Variants in GAS2L3 observed in about 807,000 individuals in gnomAD.
GAS2L3 encodes GAS2-like protein 3.
In GAS2L3, 28 loss-of-function variants were observed where a neutral mutation model predicts 37.0. The observed-to-expected ratio is 0.76, with a 90% CI of 0.56 to 1.04. The LOEUF is 1.04. Ranked by LOEUF, GAS2L3 falls within the 50% of genes least tolerant of loss-of-function variation. GAS2L3 has a pLI of 0.00. For synonymous variants in GAS2L3, 290 were observed against 296.6 expected (o/e 0.98, Z 0.23); for missense variants, 793 against 817.6 (o/e 0.97, Z 0.37).
chr12:100,610,014 A>T (rs1373334258), intron 5 of GAS2L3, among the ~76,000 whole-genome samples: 1 of 152,156 alleles, frequency 6.6e-6, no homozygotes, highest in Admixed American at 6.5e-5. Context: ...TGCTCATTTG[A>T]TTTTTTATTC....
intron 1 of GAS2L3, among the ~76,000 whole-genome samples, chr12:100,582,340 G>T (rs1411035350): frequency 6.6e-6 from 1 of 152,250 alleles, no homozygotes; most frequent in African/African-American, 2.4e-5. Flanking sequence ...AATGTCATCA[G>T]TTAAGGCAGG....
intron 1 of GAS2L3, among the ~76,000 whole-genome samples, chr12:100,575,364 A>G (rs1237605647): frequency 6.6e-6 from 1 of 152,078 alleles, no homozygotes; most frequent in Non-Finnish European, 1.5e-5. Flanking sequence ...CACATCATAA[A>G]CACGTGGATT....
intron 1 of GAS2L3, chr12:100,578,949 T>A: frequency 1.1e-6 from 1 of 926,826 alleles, no homozygotes; most frequent in Non-Finnish European, 1.8e-6. Flanking sequence ...AAGGTTATAA[T>A]TGTCATCCAT....
chr12:100,591,221 G>A (rs1955842831), intron 1 of GAS2L3, among the ~76,000 whole-genome samples: 1 of 152,064 alleles, frequency 6.6e-6, no homozygotes, highest in South Asian at 2.1e-4. Flanking sequence ...TGCCTATGGC[G>A]TCTAGTTCAG....
chr12:100,605,163 T>A (rs1177620363), intron 5 of GAS2L3, among the ~76,000 whole-genome samples: 1 of 152,082 alleles, frequency 6.6e-6, no homozygotes, highest in Admixed American at 6.6e-5. Flanking sequence ...TGAGTAGGAT[T>A]GCTATTAGTT....
At chr12:100,608,607 T>C (rs1018996191) in intron 5 of GAS2L3, among the ~76,000 whole-genome samples, 3 of 152,214 alleles carry the variant, frequency 2.0e-5, no homozygotes, top group South Asian at 4.1e-4. Flanking sequence ...CTGCAAGCTC[T>C]GCCTCCCGGG....
chr12:100,598,293 G>A (rs949772343), intron 3 of GAS2L3, among the ~76,000 whole-genome samples: 4 of 152,154 alleles, frequency 2.6e-5, no homozygotes, highest in Non-Finnish European at 5.9e-5. Context: ...GGCTGGAACA[G>A]TATCTCAGTC....
In GAS2L3 at chr12:100,618,519, A is replaced by T; in HGVS notation, c.580A>T (p.Thr194Ser). 1.2e-6 allele frequency: 2 copies of T among 1,613,140 alleles called. No individual in the cohort carries two copies. Among genetic ancestry groups the T allele is most frequent in the Non-Finnish European group, 1.7e-6 (2 of 1,179,502 alleles). Reference sequence around the variant, plus strand: ...TGAGTTAGAAGAGACTTTGCTTAATACTTCTGGGCCTGAAGATTCCATCAG... The same window carrying T: ...TGAGTTAGAAGAGACTTTGCTTAATTCTTCTGGGCCTGAAGATTCCATCAG... The part of the protein sequence containing the change: ...EIELEETLLN[T>S]SGPEDSISIP... Residue 194 changes from threonine to serine, a missense_variant, in exon 8 of 10, where the codon ACT (threonine) becomes TCT (serine). Coordinates refer to ENST00000547754, the MANE Select transcript of GAS2L3 (RefSeq NM_174942.3).
intron 6 of GAS2L3, among the ~76,000 whole-genome samples, chr12:100,615,965 G>T (rs891484152): frequency 1.3e-5 from 2 of 151,894 alleles, no homozygotes; most frequent in South Asian, 2.1e-4. Flanking sequence ...AGGCTTTTCT[G>T]TGCCCTTTGG....
Position 100,623,972 on chromosome 12 carries a change from A to C in GAS2L3, c.1167A>C (p.Lys389Asn), listed in dbSNP as rs768374748. The change falls in exon 10 of 10, where the codon AAA becomes AAC. Residue 389 changes from lysine (K) to asparagine (N), a missense_variant. Physicochemically the swap from Lys to Asn is moderately conservative, Grantham distance 94 (BLOSUM62 0). Transcript: ENST00000547754. ...CTCATCCCAAGCTCAAGTCTTCAAA[A>C]GGCATAACGAAGAAACCGCAGGCTC... ...ASSHPKLKSS[K>N]GITKKPQAPS... The C allele has an allele frequency of 3.0e-5, 49 of 1,613,986 alleles. No homozygotes were observed. Among genetic ancestry groups the C allele is most frequent in the Non-Finnish European group, 3.7e-5 (44 of 1,180,014 alleles).
rs191103443 is a variant in GAS2L3 at position 100,576,973 on chromosome 12, C to T, written c.-152+3188C>T. Among the ~76,000 whole-genome samples, 8 of 152,218 alleles carry T rather than the reference C, an allele frequency of 5.3e-5. 1 individual carries two copies. Among genetic ancestry groups the T allele is most frequent in the East Asian group, 3.9e-4 (2 of 5,180 alleles). On this transcript the variant is annotated intron_variant, in intron 1 of 9. Transcript: ENST00000547754. ...TCCGCCTACTGTCATACAACATAAA[C>T]GTTTCTCTAAGAAAGTATAATATTA...
rs1354192505 is a variant in GAS2L3, at chr12:100,624,390, A to G, written c.1585A>G (p.Ile529Val). ...AATGACAAAAACCAGTTCCAAAACCATAGCCACGGGTCTAGGAACACAGTC... is the reference window on the plus strand; with the variant it reads ...AATGACAAAAACCAGTTCCAAAACCGTAGCCACGGGTCTAGGAACACAGTC... The part of the protein sequence containing the change: ...AKMTKTSSKT[I>V]ATGLGTQSQP... The change falls in exon 10 of 10, where the codon ATA becomes GTA. Residue 529 changes from isoleucine (I) to valine (V), a missense_variant. Ile to Val is a conservative substitution (Grantham distance 29). Transcript: ENST00000547754. The G allele has an allele frequency of 3.7e-6, 6 of 1,613,918 alleles. No individual in the cohort carries two copies. The highest frequency in any genetic ancestry group is 1.6e-4 in the Middle Eastern group (1 of 6,084).
intron 8 of GAS2L3, among the ~76,000 whole-genome samples, chr12:100,619,492 G>A (rs1196864504): frequency 6.6e-6 from 1 of 151,994 alleles, no homozygotes; most frequent in Non-Finnish European, 1.5e-5. Flanking sequence ...TAAAAGTATT[G>A]CTTTGATTGT....
rs1201514214 is a variant in GAS2L3, at chr12:100,624,590, T to C, written c.1785T>C (p.Ser595=). ...CCAAAAAGCAGCCTCAGAATAAAAG[T>C]GCATTTCAGAAGACAGGACCCAGCT... ...SATKKQPQNK[S]AFQKTGPSSL... Residue 595 remains serine, a synonymous_variant, in exon 10 of 10, where the codon AGT becomes AGC. Transcript: ENST00000547754. 5 of 1,614,016 alleles carry C rather than the reference T, an allele frequency of 3.1e-6. No individual in the cohort carries two copies. In the Admixed American group the frequency reaches 5.0e-5, roughly 16 times the overall value.
chr12:100,606,521 C>T (rs948691188), intron 5 of GAS2L3, among the ~76,000 whole-genome samples: 7 of 151,858 alleles, frequency 4.6e-5, no homozygotes, highest in Non-Finnish European at 8.8e-5. Context: ...AGGACTTATT[C>T]CTGCCATTTT....
chr12:100,616,854 G>A (rs1402064521), intron 6 of GAS2L3, among the ~76,000 whole-genome samples: 2 of 152,080 alleles, frequency 1.3e-5, no homozygotes, highest in Non-Finnish European at 2.9e-5. Context: ...CCAATACAAT[G>A]CTGAATAGAA....
chr12:100,584,138 G>A (rs896709956), intron 1 of GAS2L3, among the ~76,000 whole-genome samples: 1 of 152,034 alleles, frequency 6.6e-6, no homozygotes, highest in Non-Finnish European at 1.5e-5. Context: ...TAGCAACCCA[G>A]GAAAACTTAT....
intron 9 of GAS2L3, 54 bp downstream of exon 9, chr12:100,622,436 T>C: frequency 1.1e-6 from 1 of 885,346 alleles, no homozygotes; most frequent in Non-Finnish European, 1.8e-6. Context: ...TGAAATTGGA[T>C]TTATTGCTTT....
intron 8 of GAS2L3, 118 bp downstream of exon 8, chr12:100,618,705 A>G: frequency 1.0e-5 from 9 of 881,222 alleles, no homozygotes; most frequent in Non-Finnish European, 1.5e-5. Flanking sequence ...TATTCAGAAT[A>G]TAAACCGGTA....
Sources: allele counts gnomAD v4.1 joint callset (sites outside exome capture counted in the v4.1 genomes callset), GRCh38; gene constraint gnomAD v4.1.1; transcripts MANE v1.5; gene names NCBI Gene and HGNC (gene_info 2026-07-23, HGNC 2026-07-21).